Variants in CDC42BPA observed in about 807,000 individuals in gnomAD.
CDC42BPA encodes the protein CDC42 binding protein kinase alpha.
In CDC42BPA, 80 loss-of-function variants were observed where a neutral mutation model predicts 223.5. The ratio of observed to expected loss-of-function variants is 0.36; its 90% confidence interval spans 0.30 to 0.43. The LOEUF (loss-of-function observed/expected upper bound fraction) is 0.43. CDC42BPA is among the 20% of genes least tolerant of loss of function. The pLI is 1.00. For missense variants in CDC42BPA, 1,743 were observed against 2,099.9 expected, an observed-to-expected ratio of 0.83 and a Z score of 3.32; for synonymous variants, 694 against 718.6, an observed-to-expected ratio of 0.97 and a Z score of 0.55.
intron 10 of CDC42BPA, among the ~76,000 whole-genome samples, chr1:227,133,765 G>A (rs1657872937): frequency 6.6e-6 from 1 of 151,916 alleles, no homozygotes. Flanking sequence ...CTTGAAGGCA[G>A]CATGCTCGTT....
intron 24 of CDC42BPA, among the ~76,000 whole-genome samples, chr1:227,038,859 G>T (rs1489772546): frequency 6.6e-6 from 1 of 152,206 alleles, no homozygotes; most frequent in Non-Finnish European, 1.5e-5. Context: ...CCAGTCAAGA[G>T]CAAAGGTCAT....
At chr1:227,273,502 T>G (rs370786016) in intron 1 of CDC42BPA, among the ~76,000 whole-genome samples, 67 of 150,190 alleles carry the variant, frequency 4.5e-4, no homozygotes, top group African/African-American at 1.6e-3. Flanking sequence ...ACCACTGCAC[T>G]CCAGCCTGGG....
chr1:227,080,913 T>A lies in CDC42BPA; in HGVS notation c.2460A>T (p.Gln820His), dbSNP rs1289212351. Residue 820 changes from glutamine to histidine, a missense_variant, in exon 17 of 37, where the codon CAA becomes CAT. Transcript: ENST00000366766. ...KKESVAHWEAQITEIIQWVSD... is the reference protein window; with the variant it reads ...KKESVAHWEAHITEIIQWVSD... Reference sequence around the variant, plus strand: ...CTCACCACTGAATTATTTCTGTGATTTGGGCTTCCCAATGTGCAACTGATT... The same window carrying A: ...CTCACCACTGAATTATTTCTGTGATATGGGCTTCCCAATGTGCAACTGATT... 1.2e-6 allele frequency: 2 copies of A among 1,613,800 alleles called. No homozygotes were observed. Among genetic ancestry groups the A allele is most frequent in the African/African-American group, 2.7e-5 (2 of 75,056 alleles).
intron 26 of CDC42BPA, among the ~76,000 whole-genome samples, chr1:227,034,390 C>T (rs1413453725): frequency 6.6e-6 from 1 of 152,104 alleles, no homozygotes; most frequent in Non-Finnish European, 1.5e-5. Context: ...TGGTAGGCCT[C>T]CATTACCCCA....
At chr1:227,089,215 G>C (rs1682580898) in intron 16 of CDC42BPA, among the ~76,000 whole-genome samples, 1 of 152,174 alleles carries the variant, frequency 6.6e-6, no homozygotes, top group African/African-American at 2.4e-5. Flanking sequence ...GTCAAGAAGA[G>C]ATCCAGTTCT....
Position 227,006,764 on chromosome 1 carries a change from G to A in CDC42BPA, c.4858-1653C>T, listed in dbSNP as rs1057500069. 2.0e-4 allele frequency among the ~76,000 whole-genome samples: 30 copies of A among 152,044 alleles called. 1 individual carries two copies. The highest frequency in any genetic ancestry group is 2.9e-4 in the Non-Finnish European group (20 of 68,014). On this transcript the variant is annotated intron_variant, in intron 34 of 36. Transcript: ENST00000366766. ...AGCCTGGCTAATATGGTGAAACCCC[G>A]TCTCTACTATAAATACAAAAAAATT...
chr1:227,029,711 C>G (rs16846842), intron 29 of CDC42BPA, among the ~76,000 whole-genome samples: 19,709 of 152,158 alleles, frequency 0.13, 1,358 homozygotes, highest in East Asian at 0.27. Flanking sequence ...TTATTTCACC[C>G]AGCATTTAGT....
intron 1 of CDC42BPA, among the ~76,000 whole-genome samples, chr1:227,288,634 T>G (rs1185957902): frequency 1.3e-5 from 2 of 151,692 alleles, no homozygotes; most frequent in East Asian, 3.9e-4. Context: ...AGGCGGGGGT[T>G]GCAGTGAGCC....
At chr1:227,287,544 T>C (rs1353336261) in intron 1 of CDC42BPA, among the ~76,000 whole-genome samples, 1 of 152,210 alleles carries the variant, frequency 6.6e-6, no homozygotes, top group African/African-American at 2.4e-5. Context: ...AGAATTTTGA[T>C]TTTAGAATTC....
chr1:227,038,820 G>A (rs1250661315), intron 24 of CDC42BPA, among the ~76,000 whole-genome samples: 1 of 152,200 alleles, frequency 6.6e-6, no homozygotes, highest in African/African-American at 2.4e-5. Context: ...ACCAAGAGGT[G>A]GAAGTGGTCC....
intron 4 of CDC42BPA, among the ~76,000 whole-genome samples, chr1:227,195,280 G>A (rs919160018): frequency 1.7e-4 from 26 of 152,114 alleles, no homozygotes; most frequent in African/African-American, 6.3e-4. Flanking sequence ...TGCAACCCCT[G>A]CCTCCTGGGT....
At chr1:227,055,839 G>A (rs576985432) in intron 21 of CDC42BPA, among the ~76,000 whole-genome samples, 12 of 150,254 alleles carry the variant, frequency 8.0e-5, no homozygotes, top group Non-Finnish European at 1.2e-4. Flanking sequence ...TTACTCTGAC[G>A]AACAGTCATT....
At chr1:227,253,229 GGA>G (rs1491561148) in intron 2 of CDC42BPA, among the ~76,000 whole-genome samples, 21 of 128,650 alleles carry the variant, frequency 1.6e-4, no homozygotes, top group African/African-American at 5.3e-4. Flanking sequence ...GAGAGAGGAG[GGA>G]GAGAGAGAAA....
intron 28 of CDC42BPA, among the ~76,000 whole-genome samples, chr1:227,031,068 G>A (rs981547815): frequency 2.6e-5 from 4 of 151,944 alleles, no homozygotes; most frequent in Non-Finnish European, 5.9e-5. Context: ...GCTTAGCACT[G>A]TTGTTTTTTC....
intron 35 of CDC42BPA, among the ~76,000 whole-genome samples, chr1:226,997,898 G>A (rs1296267693): frequency 6.6e-6 from 1 of 152,168 alleles, no homozygotes; most frequent in Non-Finnish European, 1.5e-5. Flanking sequence ...GTGTGATGTG[G>A]TGCTGAGAAG....
At chr1:227,244,497 G>GC (rs1030238878) in intron 2 of CDC42BPA, among the ~76,000 whole-genome samples, 2 of 150,050 alleles carry the variant, frequency 1.3e-5, no homozygotes, top group Non-Finnish European at 3.0e-5. Flanking sequence ...CACATGGTGG[G>GC]GGGGGGCAAT....
At chr1:227,301,935 G>A (rs1691706426) in intron 1 of CDC42BPA, among the ~76,000 whole-genome samples, 1 of 151,068 alleles carries the variant, frequency 6.6e-6, no homozygotes, top group Non-Finnish European at 1.5e-5. Context: ...TTTTCTTATT[G>A]TTTTCTCATT....
intron 2 of CDC42BPA, among the ~76,000 whole-genome samples, chr1:227,241,686 C>T (rs1257420633): frequency 6.6e-6 from 1 of 152,066 alleles, no homozygotes; most frequent in Non-Finnish European, 1.5e-5. Flanking sequence ...GGGGAACCAA[C>T]GAGGAAGAAA....
chr1:227,008,775 T>G (rs1664597785), intron 34 of CDC42BPA, among the ~76,000 whole-genome samples: 1 of 152,360 alleles, frequency 6.6e-6, no homozygotes, highest in South Asian at 2.1e-4. Flanking sequence ...CAAATTTAAC[T>G]GCTGCCATCT....
Sources: allele counts gnomAD v4.1 joint callset (sites outside exome capture counted in the v4.1 genomes callset), GRCh38; gene constraint gnomAD v4.1.1; transcripts MANE v1.5; gene names NCBI Gene and HGNC (gene_info 2026-07-23, HGNC 2026-07-21).